KHDRBS2: variants seen among roughly 807,000 people sequenced by gnomAD.
KHDRBS2 encodes the protein KH RNA binding domain containing, signal transduction associated 2, also known as KH domain-containing, RNA-binding, signal transduction-associated protein 2.
A neutral mutation model predicts 44.3 loss-of-function variants in KHDRBS2; 26 were observed. The observed-to-expected ratio is 0.59, with a 90% CI of 0.43 to 0.81. The LOEUF is 0.81. KHDRBS2 is among the 40% of genes least tolerant of loss of function. The pLI, the probability that KHDRBS2 is intolerant of heterozygous loss-of-function variation, is 0.00. For synonymous variants in KHDRBS2, 194 were observed against 151.1 expected (o/e 1.28, Z -2.08); for missense variants, 476 against 433.1 (o/e 1.10, Z -0.88).
intron 6 of KHDRBS2, among the ~76,000 whole-genome samples, chr6:61,745,805 A>G (rs547496634): frequency 6.6e-6 from 1 of 152,222 alleles, no homozygotes; most frequent in African/African-American, 2.4e-5. Flanking sequence ...TTATTTATAT[A>G]GTGCCTTGAC....
At chr6:61,610,093 G>A in the KHDRBS2 span, among the ~76,000 whole-genome samples, 6 of 151,910 alleles carry the variant, frequency 3.9e-5, no homozygotes, top group East Asian at 1.9e-4. Flanking sequence ...GGAGAATGGC[G>A]TGAACCTAGG....
chr6:61,911,570 A>G, intron 4 of KHDRBS2, among the ~76,000 whole-genome samples: 1 of 152,334 alleles, frequency 6.6e-6, no homozygotes, highest in East Asian at 1.9e-4. Flanking sequence ...ATTATTTACA[A>G]TATAATACCA....
At chr6:61,732,884 C>T (rs1562054262) in intron 6 of KHDRBS2, 120 bp from the exon 7 acceptor site, 1 of 645,940 alleles carries the variant, frequency 1.5e-6, no homozygotes, top group African/African-American at 1.8e-5. Flanking sequence ...GGTAAGTATC[C>T]ATATATCACA....
At chr6:61,589,828 C>G in the KHDRBS2 span, among the ~76,000 whole-genome samples, 9 of 152,264 alleles carry the variant, frequency 5.9e-5, no homozygotes, top group East Asian at 1.5e-3. Flanking sequence ...ATTTCCCTTA[C>G]AGAGGACTAT....
At chr6:61,575,601 A>C in the KHDRBS2 span, among the ~76,000 whole-genome samples, 352 of 152,310 alleles carry the variant, frequency 2.3e-3, 2 homozygotes, top group African/African-American at 8.2e-3. Context: ...AAGTCTCACT[A>C]CTGGGTATCT....
At chr6:62,087,469 A>C (rs1798612926) in intron 2 of KHDRBS2, among the ~76,000 whole-genome samples, 1 of 152,132 alleles carries the variant, frequency 6.6e-6, no homozygotes, top group Non-Finnish European at 1.5e-5. Flanking sequence ...AAAGATAGAA[A>C]TGAAAATTTA....
chr6:61,945,115 A>ATATC (rs1554284597), intron 4 of KHDRBS2, among the ~76,000 whole-genome samples: 1 of 52,580 alleles, frequency 1.9e-5, no homozygotes, highest in Non-Finnish European at 3.5e-5. Flanking sequence ...AAAAAAAAGT[A>ATATC]TATATATATA....
At chr6:61,769,038 T>C (rs1780427300) in intron 6 of KHDRBS2, among the ~76,000 whole-genome samples, 1 of 152,198 alleles carries the variant, frequency 6.6e-6, no homozygotes, top group African/African-American at 2.4e-5. Context: ...CTTTAGTATA[T>C]TTTATTTATA....
At chr6:61,933,012 C>T (rs1213024219) in intron 4 of KHDRBS2, among the ~76,000 whole-genome samples, 2 of 152,014 alleles carry the variant, frequency 1.3e-5, no homozygotes, top group East Asian at 3.9e-4. Context: ...TCTTGCAGTG[C>T]TATAAAGAAA....
the KHDRBS2 span, among the ~76,000 whole-genome samples, chr6:61,648,672 C>T: frequency 2.0e-5 from 3 of 152,214 alleles, no homozygotes; most frequent in African/African-American, 2.4e-5. Flanking sequence ...GAAAACAAGG[C>T]GGTCATTCTA....
At chr6:62,176,268 A>C (rs1425044939) in intron 2 of KHDRBS2, among the ~76,000 whole-genome samples, 1 of 151,458 alleles carries the variant, frequency 6.6e-6, no homozygotes, top group Non-Finnish European at 1.5e-5. Context: ...CTAGCTCAAA[A>C]AAATTCCATG....
chr6:61,665,336 T>C, the KHDRBS2 span, among the ~76,000 whole-genome samples: 794 of 151,558 alleles, frequency 5.2e-3, 4 homozygotes, highest in African/African-American at 0.018. Flanking sequence ...AGTGTTTTAC[T>C]ACAATGTAAG....
chr6:61,961,628 T>A (rs1189927514), intron 4 of KHDRBS2, among the ~76,000 whole-genome samples: 1 of 151,894 alleles, frequency 6.6e-6, no homozygotes, highest in Non-Finnish European at 1.5e-5. Flanking sequence ...TGGAGACTTG[T>A]GGGGAGGCTT....
At chr6:61,790,165 T>C (rs1242252094) in intron 6 of KHDRBS2, among the ~76,000 whole-genome samples, 1 of 151,428 alleles carries the variant, frequency 6.6e-6, no homozygotes, top group African/African-American at 2.4e-5. Context: ...TTTCAGAAGA[T>C]GTCTTTATAA....
chr6:61,898,543 C>A (rs1803353129), intron 5 of KHDRBS2, among the ~76,000 whole-genome samples: 1 of 151,826 alleles, frequency 6.6e-6, no homozygotes, highest in Non-Finnish European at 1.5e-5. Flanking sequence ...TGAGAGAAAA[C>A]ACTGAGTTAA....
chr6:61,653,606 TGA>T, the KHDRBS2 span, among the ~76,000 whole-genome samples: 18 of 82,230 alleles, frequency 2.2e-4, no homozygotes, highest in African/African-American at 9.7e-4. Context: ...AATGTGAAAC[TGA>T]GAGACAGAGA....
intron 6 of KHDRBS2, among the ~76,000 whole-genome samples, chr6:61,844,836 T>A (rs1178326829): frequency 1.3e-5 from 2 of 152,224 alleles, no homozygotes; most frequent in East Asian, 3.8e-4. Context: ...TTTATTTTCC[T>A]TGTAATTGTT....
At chr6:61,564,978 T>G in the KHDRBS2 span, among the ~76,000 whole-genome samples, 4 of 143,622 alleles carry the variant, frequency 2.8e-5, no homozygotes, top group African/African-American at 7.4e-5. Context: ...AGAAATAAAT[T>G]TACACATTTA....
intron 2 of KHDRBS2, among the ~76,000 whole-genome samples, chr6:62,088,849 CGGGTAGATGGGAGTTT>C (rs1562828886): frequency 6.6e-6 from 1 of 152,108 alleles, no homozygotes; most frequent in African/African-American, 2.4e-5. Context: ...TGCTCTGTCC[CGGGTAGATGGGAGTTT>C]TATCTATAAG....
Sources: gnomAD v4.1 joint callset for allele counts (sites outside exome capture counted in the v4.1 genomes callset) on GRCh38, gnomAD v4.1.1 for gene constraint, MANE v1.5 for transcripts, NCBI Gene and HGNC (gene_info 2026-07-23, HGNC 2026-07-21) for gene names.